Variants in CNTN5 observed in about 807,000 individuals in gnomAD.
CNTN5 encodes contactin 5.
A neutral mutation model predicts 129.1 loss-of-function variants in CNTN5; 77 were observed. The ratio of observed to expected loss-of-function variants is 0.60; its 90% confidence interval spans 0.50 to 0.72. The LOEUF is 0.72. Among genes scored for constraint, CNTN5 ranks in the 30% least tolerant of loss-of-function variants. The pLI is 0.00. For missense variants in CNTN5, 1,478 were observed against 1,328.8 expected (o/e 1.11, Z -1.75); for synonymous variants, 509 against 465.6 (o/e 1.09, Z -1.20).
At chr11:99,943,784 A>C (rs1045189646) in intron 7 of CNTN5, among the ~76,000 whole-genome samples, 2 of 152,164 alleles carry the variant, frequency 1.3e-5, no homozygotes, top group African/African-American at 4.8e-5. Context: ...CATCTATTAA[A>C]CAGGGAATCC....
At chr11:99,335,107 A>G (rs1170819803) in intron 2 of CNTN5, among the ~76,000 whole-genome samples, 1 of 152,216 alleles carries the variant, frequency 6.6e-6, no homozygotes, top group African/African-American at 2.4e-5. Context: ...TAACAGCAAT[A>G]GCAAATATTC....
At chr11:99,228,710 AT>A (rs36019297) in intron 1 of CNTN5, among the ~76,000 whole-genome samples, 1 of 151,754 alleles carries the variant, frequency 6.6e-6, no homozygotes, top group East Asian at 1.9e-4. Context: ...GAAGTTAGAG[AT>A]TTTTTCCTAA....
intron 1 of CNTN5, among the ~76,000 whole-genome samples, chr11:99,057,846 A>T (rs1013825351): frequency 1.3e-5 from 2 of 149,948 alleles, no homozygotes; most frequent in African/African-American, 4.9e-5. Flanking sequence ...GTAGGGAAGG[A>T]TGTTGGTAGT....
intron 3 of CNTN5, among the ~76,000 whole-genome samples, chr11:99,586,091 C>T (rs951507471): frequency 2.0e-5 from 3 of 151,932 alleles, no homozygotes; most frequent in Admixed American, 6.6e-5. Flanking sequence ...AATTAAATCC[C>T]GTTCCAAATG....
intron 3 of CNTN5, among the ~76,000 whole-genome samples, chr11:99,659,586 G>A (rs1376609449): frequency 1.3e-5 from 2 of 152,142 alleles, no homozygotes; most frequent in Non-Finnish European, 2.9e-5. Context: ...AATCTGTGGA[G>A]TAGGCTGGCA....
intron 1 of CNTN5, among the ~76,000 whole-genome samples, chr11:99,197,244 T>C (rs895303553): frequency 6.6e-6 from 1 of 151,986 alleles, no homozygotes; most frequent in Non-Finnish European, 1.5e-5. Context: ...ATTAAAATTA[T>C]AAATTTTATA....
Position 99,608,100 on chromosome 11 carries a change from T to TA in CNTN5, c.55+51846dup, listed in dbSNP as rs11284734. Reference sequence around the variant, plus strand: ...ATGTACCCTAAAACTTAGAGTATAATAAAAAAAAAAAAAAATCACAGTGTT... The same window carrying TA: ...ATGTACCCTAAAACTTAGAGTATAATAAAAAAAAAAAAAAAATCACAGTGTT... On this transcript the variant is annotated intron_variant, in intron 3 of 24. Transcript: ENST00000524871. Among the ~76,000 whole-genome samples, 623 of 147,558 alleles carry TA rather than the reference T, an allele frequency of 4.2e-3. 6 individuals carry two copies. Among genetic ancestry groups the TA allele is most frequent in the Middle Eastern group, 0.021 (6 of 280 alleles).
At chr11:99,259,959 C>CT (rs1205059564) in intron 1 of CNTN5, among the ~76,000 whole-genome samples, 9 of 151,532 alleles carry the variant, frequency 5.9e-5, no homozygotes, top group Non-Finnish European at 1.0e-4. Flanking sequence ...CATTTTTTCA[C>CT]TTTTTTAATT....
At chr11:99,860,950 ATTTTTTT>A (rs146364893) in intron 6 of CNTN5, among the ~76,000 whole-genome samples, 1 of 91,030 alleles carries the variant, frequency 1.1e-5, no homozygotes, top group African/African-American at 4.4e-5. Flanking sequence ...ATATGTCTTC[ATTTTTTT>A]TTTTTTTTTT....
chr11:99,357,723 G>T (rs949555), intron 2 of CNTN5, among the ~76,000 whole-genome samples: 115,520 of 151,994 alleles, frequency 0.76, 44,500 homozygotes, highest in African/African-American at 0.88. Context: ...AGTTAACACT[G>T]CTATTCTTAC....
chr11:99,166,900 C>A (rs1011416042), intron 1 of CNTN5, among the ~76,000 whole-genome samples: 10 of 152,002 alleles, frequency 6.6e-5, no homozygotes, highest in African/African-American at 2.4e-4. Flanking sequence ...CACGAAACAG[C>A]CTTAATGATT....
intron 1 of CNTN5, among the ~76,000 whole-genome samples, chr11:99,258,511 T>C (rs1380461328): frequency 6.6e-6 from 1 of 152,120 alleles, no homozygotes; most frequent in Non-Finnish European, 1.5e-5. Flanking sequence ...ATTTATTTTT[T>C]GATTTACACG....
At chr11:99,431,839 G>A (rs1444573700) in intron 2 of CNTN5, among the ~76,000 whole-genome samples, 2 of 151,896 alleles carry the variant, frequency 1.3e-5, no homozygotes, top group African/African-American at 2.4e-5. Flanking sequence ...AAGCAGAAAC[G>A]GGCTGGAGGG....
rs868077531 is a variant in CNTN5 at position 99,699,873 on chromosome 11, C to T, written c.56-119671C>T. On this transcript the variant is annotated intron_variant, in intron 3 of 24. Coordinates refer to ENST00000524871, the MANE Select transcript of CNTN5 (RefSeq NM_014361.4). The stretch of plus-strand genomic sequence containing the variant: ...TAATAGGTCCCTATTGCTAAGACCT[C>T]ACAGCATTTCACAATTACTTGATTA... 1.3e-4 allele frequency among the ~76,000 whole-genome samples: 19 copies of T among 151,572 alleles called. No homozygotes were observed. In the Middle Eastern group the frequency reaches 0.01, roughly 81 times the overall value.
chr11:100,309,127 T>C (rs1951416117), intron 21 of CNTN5: 1 of 984,986 alleles, frequency 1.0e-6, no homozygotes, highest in South Asian at 4.7e-5. Context: ...TTGCCTTGCT[T>C]GGCCAGTCAT....
chr11:99,435,486 C>T (rs369889347), intron 2 of CNTN5, among the ~76,000 whole-genome samples: 1 of 152,116 alleles, frequency 6.6e-6, no homozygotes, highest in South Asian at 2.1e-4. Flanking sequence ...ACACCTACTC[C>T]CTCTCTGCTG....
chr11:99,259,800 G>A (rs939530455), intron 1 of CNTN5, among the ~76,000 whole-genome samples: 31 of 151,766 alleles, frequency 2.0e-4, no homozygotes, highest in Non-Finnish European at 4.4e-5. Context: ...AACAGTCCAT[G>A]TTATAATTTT....
intron 3 of CNTN5, among the ~76,000 whole-genome samples, chr11:99,753,358 G>A (rs1013705420): frequency 1.3e-5 from 2 of 151,446 alleles, no homozygotes; most frequent in African/African-American, 2.4e-5. Flanking sequence ...TCCTGACCTC[G>A]TGATTCACCC....
intron 3 of CNTN5, among the ~76,000 whole-genome samples, chr11:99,765,270 A>C (rs1375824156): frequency 1.3e-5 from 2 of 151,980 alleles, no homozygotes; most frequent in African/African-American, 4.8e-5. Flanking sequence ...AATAGTAAAT[A>C]TCACTATGTT....
Sources: gnomAD v4.1 joint callset for allele counts (sites outside exome capture counted in the v4.1 genomes callset) on GRCh38, gnomAD v4.1.1 for gene constraint, MANE v1.5 for transcripts, NCBI Gene and HGNC (gene_info 2026-07-23, HGNC 2026-07-21) for gene names.